Variants in TEX11 observed in about 807,000 individuals in gnomAD.
TEX11 encodes testis-expressed protein 11.
A neutral mutation model predicts 84.4 loss-of-function variants in TEX11; 7 were observed. The observed-to-expected ratio is 0.08, with a 90% CI of 0.05 to 0.16. The LOEUF is 0.16. TEX11 is among the 10% of genes least tolerant of loss of function. TEX11 has a pLI of 1.00. For synonymous variants in TEX11, 264 were observed against 222.8 expected, an observed-to-expected ratio of 1.18 and a Z score of -1.64; for missense variants, 551 against 660.5, an observed-to-expected ratio of 0.83 and a Z score of 1.82.
intron 9 of TEX11, among the ~76,000 whole-genome samples, chrX:70,750,886 CA>C (rs1290025375): frequency 2.8e-5 from 2 of 71,912 alleles, no homozygotes; most frequent in East Asian, 1.0e-3. Flanking sequence ...CTAACCTGCA[CA>C]ATGTGCACAT....
chrX:70,552,949 T>C (rs2088236545), intron 27 of TEX11, among the ~76,000 whole-genome samples: 1 of 111,375 alleles, frequency 9.0e-6, no homozygotes, highest in African/African-American at 3.3e-5. Context: ...TAAATCTGGG[T>C]GGTGGATACG....
intron 15 of TEX11, among the ~76,000 whole-genome samples, chrX:70,678,336 A>C (rs1603214174): frequency 9.0e-6 from 1 of 111,084 alleles, no homozygotes; most frequent in East Asian, 2.8e-4. Flanking sequence ...TCTGATTTAT[A>C]TACACAGGGA....
chrX:70,547,489 G>A (rs977628569), intron 28 of TEX11, among the ~76,000 whole-genome samples: 27 of 111,231 alleles, frequency 2.4e-4, no homozygotes, highest in African/African-American at 8.5e-4. Flanking sequence ...GCAACCTACA[G>A]AATGGGAGAA....
the TEX11 span, among the ~76,000 whole-genome samples, chrX:70,515,084 CACACACACACACAG>C: frequency 1.0e-5 from 1 of 96,356 alleles, no homozygotes; most frequent in African/African-American, 5.3e-5. Context: ...CACACACACA[CACACACACACACAG>C]AAAGAAGGAC....
intron 17 of TEX11, among the ~76,000 whole-genome samples, chrX:70,645,198 T>C (rs960063204): frequency 9.1e-6 from 1 of 110,477 alleles, no homozygotes; most frequent in Non-Finnish European, 1.9e-5. Context: ...TCACTGCTCC[T>C]ACCAAACGTT....
intron 3 of TEX11, among the ~76,000 whole-genome samples, chrX:70,879,074 A>G (rs775309854): frequency 1.8e-5 from 2 of 111,631 alleles, no homozygotes; most frequent in East Asian, 5.6e-4. Context: ...AGGCAAAACC[A>G]TAGAGACCAA....
intron 8 of TEX11, among the ~76,000 whole-genome samples, chrX:70,808,399 T>C (rs947085147): frequency 3.3e-4 from 35 of 107,470 alleles, no homozygotes; most frequent in Non-Finnish European, 4.8e-4. Context: ...GCTACTTGGG[T>C]GGCTGAGGCA....
At chrX:70,806,373 T>C (rs12010824) in intron 9 of TEX11, among the ~76,000 whole-genome samples, 7,970 of 109,650 alleles carry the variant, frequency 0.073, 252 homozygotes, top group East Asian at 0.12. Context: ...AGAGGATCGC[T>C]TGAGCCCAGA....
At chrX:70,611,232 C>T (rs2089257000) in intron 20 of TEX11, among the ~76,000 whole-genome samples, 1 of 111,942 alleles carries the variant, frequency 8.9e-6, no homozygotes, top group African/African-American at 3.2e-5. Flanking sequence ...ACAAGTAAAA[C>T]GCTGAACACA....
chrX:70,711,731 T>A (rs1267325261), intron 13 of TEX11, among the ~76,000 whole-genome samples: 1 of 111,132 alleles, frequency 9.0e-6, no homozygotes, highest in Non-Finnish European at 1.9e-5. Flanking sequence ...TTCTCCCATT[T>A]TGTAGGTTGC....
intron 25 of TEX11, among the ~76,000 whole-genome samples, chrX:70,565,958 G>A (rs1177680744): frequency 9.1e-6 from 1 of 109,868 alleles, no homozygotes; most frequent in African/African-American, 3.3e-5. Context: ...TTGGTAGCTT[G>A]ATGGGGATGG....
At chrX:70,846,268 T>C (rs973922215) in intron 7 of TEX11, 2 of 111,629 alleles carry the variant, frequency 1.8e-5, no homozygotes, top group African/African-American at 6.5e-5. Context: ...TAACAAACTA[T>C]AGAAATGATC....
chrX:70,716,487 T>C (rs1024026335), intron 13 of TEX11, among the ~76,000 whole-genome samples: 8 of 112,070 alleles, frequency 7.1e-5, no homozygotes, highest in African/African-American at 2.6e-4. Flanking sequence ...GCCTCGGCAA[T>C]GGTGGGCGCC....
At chrX:70,755,119 T>C (rs1255455958) in intron 9 of TEX11, among the ~76,000 whole-genome samples, 1 of 111,842 alleles carries the variant, frequency 8.9e-6, no homozygotes, top group Admixed American at 9.5e-5. Flanking sequence ...CATGGCCACA[T>C]CAAGTAAAAT....
chrX:70,787,731 A>C (rs2091088329), intron 9 of TEX11, among the ~76,000 whole-genome samples: 1 of 111,979 alleles, frequency 8.9e-6, no homozygotes, highest in South Asian at 3.7e-4. Flanking sequence ...GGAAGAAGTG[A>C]AATTGTATCA....
At chrX:70,691,955 A>AG (rs1243028039) in intron 13 of TEX11, among the ~76,000 whole-genome samples, 1 of 109,347 alleles carries the variant, frequency 9.1e-6, no homozygotes, top group Non-Finnish European at 1.9e-5. Context: ...TCAAAAAGGT[A>AG]GGGGAAAGTC....
chrX:70,547,027 C>CAAAA (rs58220663), intron 28 of TEX11, among the ~76,000 whole-genome samples: 35 of 33,862 alleles, frequency 1.0e-3, no homozygotes, highest in East Asian at 3.4e-3. Flanking sequence ...TATTATTCAG[C>CAAAA]AAAAAAAAAA....
Position 70,552,130 on chromosome X carries a change from C to T in TEX11, c.2516G>A (p.Arg839His), listed in dbSNP as rs780146584. The T allele has an allele frequency of 5.3e-5, 64 of 1,206,728 alleles. No individual in the cohort carries two copies. The highest frequency in any genetic ancestry group is 7.2e-5 in the South Asian group (4 of 55,817). Residue 839 changes from arginine (R) to histidine (H), a missense_variant, in exon 28 of 30, where the codon CGC becomes CAC. Transcript: ENST00000374333. ...TAATATCACTATTTGACTTACAGTG[C>T]GGCTAATGTGGCTCAGAGCATCTTC... The part of the protein sequence containing the change: ...YFEDALSHIS[R>H]TKDYPEMEIL...
chrX:70,833,094 AC>A (rs2091385708), intron 8 of TEX11, among the ~76,000 whole-genome samples: 1 of 109,503 alleles, frequency 9.1e-6, no homozygotes. Flanking sequence ...ACATAGCAAA[AC>A]CCTGTCTGTA....
Sources: gnomAD v4.1 joint callset for allele counts (sites outside exome capture counted in the v4.1 genomes callset) on GRCh38, gnomAD v4.1.1 for gene constraint, MANE v1.5 for transcripts, NCBI Gene and HGNC (gene_info 2026-07-23, HGNC 2026-07-21) for gene names.